PLA2R1: variants seen among roughly 807,000 people sequenced by gnomAD.
The protein encoded by PLA2R1 is phospholipase A2 receptor 1, also known as secretory phospholipase A2 receptor.
In PLA2R1, 158 loss-of-function variants were observed where a neutral mutation model predicts 195.9. The observed-to-expected ratio is 0.81, with a 90% CI of 0.71 to 0.92. The LOEUF is 0.92. PLA2R1 is among the 40% of genes least tolerant of loss of function. The probability of loss-of-function intolerance (pLI) is 0.00; values close to 1 mark genes in which losing one functional copy is unlikely to be tolerated. For synonymous variants in PLA2R1, 586 were observed against 598.2 expected, an observed-to-expected ratio of 0.98 and a Z score of 0.30; for missense variants, 1,626 against 1,764.6, an observed-to-expected ratio of 0.92 and a Z score of 1.41.
intron 11 of PLA2R1, among the ~76,000 whole-genome samples, chr2:159,994,868 G>A (rs1691099377): frequency 6.6e-6 from 1 of 151,988 alleles, no homozygotes; most frequent in Admixed American, 6.6e-5. Flanking sequence ...TGATAGGAGG[G>A]ATGAGAGGGA....
rs1442362719 is a variant in PLA2R1, at chr2:160,034,179, TG to T, written c.668-1048del. Among the ~76,000 whole-genome samples, 10 of 152,254 alleles carry T rather than the reference TG, an allele frequency of 6.6e-5. 1 individual carries two copies. The South Asian group carries it at 1.7e-3, about 25-fold the overall frequency. The stretch of plus-strand genomic sequence containing the variant: ...ATTTGACAATAAAATCTTTTTTGTT[TG>T]GTTTTTTTTCCTCCCTCATAACAGT... On this transcript the variant is annotated intron_variant, in intron 3 of 29. Transcript: ENST00000283243.
At chr2:160,020,727 C>G (rs973365644) in intron 7 of PLA2R1, among the ~76,000 whole-genome samples, 4 of 152,180 alleles carry the variant, frequency 2.6e-5, no homozygotes, top group Admixed American at 2.0e-4. Flanking sequence ...AGATCCTCTC[C>G]AGATGTGGTC....
At chr2:160,013,236 G>A in intron 10 of PLA2R1, 27 bp downstream of exon 10, 1 of 1,144,584 alleles carries the variant, frequency 8.7e-7, no homozygotes, top group Non-Finnish European at 1.3e-6. Flanking sequence ...AAGCCGTCTT[G>A]TTTCTGTTAA....
chr2:160,038,888 G>A (rs1396714081), intron 3 of PLA2R1, among the ~76,000 whole-genome samples: 2 of 151,950 alleles, frequency 1.3e-5, no homozygotes, highest in Admixed American at 6.6e-5. Flanking sequence ...GGCGGGCGGC[G>A]ACAGAGTCTT....
At chr2:159,924,922 G>A in the PLA2R1 span, among the ~76,000 whole-genome samples, 1 of 151,964 alleles carries the variant, frequency 6.6e-6, no homozygotes, top group South Asian at 2.1e-4. Flanking sequence ...TTTCCAATCT[G>A]GTCTGAGGCA....
chr2:159,946,378 C>T (rs879681986), intron 27 of PLA2R1: 18 of 985,642 alleles, frequency 1.8e-5, no homozygotes, highest in East Asian at 1.1e-4. Context: ...TTATTACAAA[C>T]TCTGGTTTTT....
intron 27 of PLA2R1, chr2:159,946,574 C>T (rs969242886): frequency 1.3e-5 from 16 of 1,221,514 alleles, no homozygotes; most frequent in African/African-American, 1.6e-5. Context: ...TAAAGATAAA[C>T]ATGTTATTGT....
At chr2:159,971,837 T>A (rs900564982) in intron 17 of PLA2R1, among the ~76,000 whole-genome samples, 3 of 152,202 alleles carry the variant, frequency 2.0e-5, no homozygotes, top group Admixed American at 1.3e-4. Flanking sequence ...AAACAGGTAT[T>A]TTTATTCTGT....
intron 5 of PLA2R1, 31 bp downstream of exon 5, chr2:160,028,819 G>C: frequency 7.8e-7 from 1 of 1,287,910 alleles, no homozygotes; most frequent in Non-Finnish European, 1.1e-6. Context: ...ATGATGCCAC[G>C]TGACGAAGGC....
chr2:160,006,803 C>A (rs1692016446), intron 10 of PLA2R1, among the ~76,000 whole-genome samples: 1 of 152,206 alleles, frequency 6.6e-6, no homozygotes, highest in South Asian at 2.1e-4. Context: ...TAGATCTTTT[C>A]ATTCAATTTT....
rs947251091 is a variant in PLA2R1, at chr2:159,942,074, T to G, written c.4177+53A>C. 5 of 1,581,840 alleles carry G rather than the reference T, an allele frequency of 3.2e-6. No homozygotes were observed. In the African/African-American group the frequency reaches 6.8e-5, roughly 21 times the overall value. ...TAGATACTGTCATACAGCTGCTTTC[T>G]ATCTTATTATTTCTAAGAAAAATCA... On this transcript the variant is annotated intron_variant, in intron 29 of 29. Coordinates refer to ENST00000283243, the MANE Select transcript of PLA2R1 (RefSeq NM_007366.5).
chr2:160,057,147 C>T (rs1695603275), intron 1 of PLA2R1, among the ~76,000 whole-genome samples: 1 of 152,136 alleles, frequency 6.6e-6, no homozygotes, highest in African/African-American at 2.4e-5. Flanking sequence ...AGGGACTCTT[C>T]CCAGGAAGCT....
chr2:160,060,489 T>C (rs950908103), intron 1 of PLA2R1, among the ~76,000 whole-genome samples: 2 of 152,238 alleles, frequency 1.3e-5, no homozygotes, highest in Admixed American at 1.3e-4. Context: ...AGAGAGCCTG[T>C]GCCTGTGCGA....
intron 9 of PLA2R1, among the ~76,000 whole-genome samples, chr2:160,015,261 A>C (rs1173841083): frequency 2.0e-5 from 3 of 152,292 alleles, no homozygotes; most frequent in African/African-American, 7.2e-5. Context: ...AAAACAAATC[A>C]CTTCTTTTGC....
At chr2:160,049,031 C>A (rs936927436) in intron 1 of PLA2R1, among the ~76,000 whole-genome samples, 1 of 151,732 alleles carries the variant, frequency 6.6e-6, no homozygotes, top group Non-Finnish European at 1.5e-5. Flanking sequence ...TTAGTAGAGA[C>A]GGGGTTTCAC....
chr2:159,971,703 T>C (rs1239044271), intron 17 of PLA2R1, among the ~76,000 whole-genome samples: 1 of 152,194 alleles, frequency 6.6e-6, no homozygotes, highest in Non-Finnish European at 1.5e-5. Flanking sequence ...ATTATATATT[T>C]AAATTTGTAC....
chr2:160,042,813 G>A (rs1338574511), intron 2 of PLA2R1, among the ~76,000 whole-genome samples: 16 of 28,706 alleles, frequency 5.6e-4, no homozygotes, highest in African/African-American at 3.5e-3. Context: ...GTGTGTGTGT[G>A]TGTGTGTGTG....
At chr2:159,949,048 T>G (rs1163027914) in intron 25 of PLA2R1, among the ~76,000 whole-genome samples, 1 of 152,190 alleles carries the variant, frequency 6.6e-6, no homozygotes, top group Non-Finnish European at 1.5e-5. Flanking sequence ...AGATATCTAG[T>G]AAATATCCAA....
intron 2 of PLA2R1, among the ~76,000 whole-genome samples, chr2:160,044,468 C>T (rs1694740130): frequency 6.6e-6 from 1 of 152,164 alleles, no homozygotes; most frequent in South Asian, 2.1e-4. Flanking sequence ...CCTTTTCTCT[C>T]TCCCTCCTGT....
Sources: gnomAD v4.1 joint callset for allele counts (sites outside exome capture counted in the v4.1 genomes callset) on GRCh38, gnomAD v4.1.1 for gene constraint, MANE v1.5 for transcripts, NCBI Gene and HGNC (gene_info 2026-07-23, HGNC 2026-07-21) for gene names.